Variants in TAFA2 observed in about 807,000 individuals in gnomAD.
TAFA2 encodes TAFA chemokine like family member 2, also known as chemokine-like protein TAFA-2.
Under a neutral mutation model 18.8 loss-of-function variants are expected in TAFA2, and 7 were observed. That is an observed-to-expected ratio of 0.37 (90% CI 0.21 to 0.70). TAFA2 has a LOEUF of 0.70. Ranked by LOEUF, TAFA2 falls within the 30% of genes least tolerant of loss-of-function variation. The probability of loss-of-function intolerance (pLI) is 0.53; values close to 1 mark genes in which losing one functional copy is unlikely to be tolerated. For missense variants in TAFA2, 122 were observed against 158.1 expected (o/e 0.77, Z 1.23); for synonymous variants, 60 against 54.2 (o/e 1.11, Z -0.47).
rs924101058 is a variant in TAFA2 at position 61,774,663 on chromosome 12, C to T, written c.107-19639G>A. On this transcript the variant is annotated intron_variant, in intron 2 of 4. Transcript: ENST00000416284. ...AATGATAAAATGGACTTCAGGGATT[C>T]GGGGGAAAGAGTGGGAGGATGGTGA... Among the ~76,000 whole-genome samples the T allele has an allele frequency of 2.7e-4, 41 of 151,338 alleles. 2 individuals are homozygous for T. Among genetic ancestry groups the T allele is most frequent in the Admixed American group, 6.6e-5 (1 of 15,132 alleles).
intron 4 of TAFA2, among the ~76,000 whole-genome samples, chr12:61,751,116 C>G (rs1245218307): frequency 6.6e-6 from 1 of 152,092 alleles, no homozygotes; most frequent in Non-Finnish European, 1.5e-5. Context: ...TTTCCTCTAT[C>G]CAACACTTCC....
In TAFA2 at chr12:61,931,727, G is replaced by C. The variant is rs551486205; in HGVS notation, c.-1-64301C>G. ...ATTGCCATTTTGTAATGTTACAAAGGCTTCTGTTTTAAAATGTGCTGTGGG... is the reference window on the plus strand; with the variant it reads ...ATTGCCATTTTGTAATGTTACAAAGCCTTCTGTTTTAAAATGTGCTGTGGG... On this transcript the variant is annotated intron_variant, in intron 1 of 4. Coordinates refer to ENST00000416284, the MANE Select transcript of TAFA2 (RefSeq NM_178539.5). Among the ~76,000 whole-genome samples the C allele has an allele frequency of 2.6e-5, 4 of 152,250 alleles. No homozygotes were observed. The East Asian group carries it at 5.8e-4, about 22-fold the overall frequency.
chr12:61,919,713 T>C (rs1876973881), intron 1 of TAFA2, among the ~76,000 whole-genome samples: 1 of 151,646 alleles, frequency 6.6e-6, no homozygotes, highest in South Asian at 2.1e-4. Context: ...TTTATTTCAT[T>C]ATCTGTTATT....
intron 1 of TAFA2, among the ~76,000 whole-genome samples, chr12:61,966,643 G>A (rs1879077975): frequency 6.6e-6 from 1 of 151,792 alleles, no homozygotes; most frequent in Non-Finnish European, 1.5e-5. Flanking sequence ...CAAGTCTGTG[G>A]CTGAGCAAAT....
At chr12:61,738,324 CA>C (rs1565756809) in intron 4 of TAFA2, among the ~76,000 whole-genome samples, 25 of 147,738 alleles carry the variant, frequency 1.7e-4, no homozygotes, top group African/African-American at 5.6e-4. Context: ...CACACACACA[CA>C]CACAAACCTA....
intron 1 of TAFA2, among the ~76,000 whole-genome samples, chr12:62,199,586 A>ATG (rs766849597): frequency 6.0e-5 from 9 of 149,302 alleles, no homozygotes; most frequent in Non-Finnish European, 7.5e-5. Context: ...GTGTGTGTGT[A>ATG]TGTGTGTGTA....
intron 1 of TAFA2, among the ~76,000 whole-genome samples, chr12:62,093,752 T>C: frequency 6.6e-6 from 1 of 152,042 alleles, no homozygotes; most frequent in African/African-American, 2.4e-5. Flanking sequence ...GAGGGCCATG[T>C]GTTCATACTT....
At chr12:61,782,833 T>C (rs193080410) in intron 2 of TAFA2, among the ~76,000 whole-genome samples, 5 of 151,906 alleles carry the variant, frequency 3.3e-5, no homozygotes, top group Non-Finnish European at 2.9e-5. Context: ...AATGCAGTAT[T>C]TATAAGCTAG....
chr12:61,956,145 A>T (rs1878688585), intron 1 of TAFA2, among the ~76,000 whole-genome samples: 1 of 136,790 alleles, frequency 7.3e-6, no homozygotes, highest in African/African-American at 2.5e-5. Flanking sequence ...CAAGTATCCT[A>T]TAGCAGAGTC....
chr12:61,945,126 C>T (rs1415105053), intron 1 of TAFA2, among the ~76,000 whole-genome samples: 1 of 118,116 alleles, frequency 8.5e-6, no homozygotes, highest in South Asian at 2.6e-4. Context: ...TGGGCTTCAT[C>T]CCTGGGATGC....
intron 1 of TAFA2, among the ~76,000 whole-genome samples, chr12:61,875,965 T>G (rs1177429830): frequency 6.6e-6 from 1 of 152,194 alleles, no homozygotes; most frequent in Non-Finnish European, 1.5e-5. Context: ...ATTCCAATTA[T>G]ATGTAGCCTT....
intron 1 of TAFA2, among the ~76,000 whole-genome samples, chr12:61,976,369 A>G (rs1004207703): frequency 1.8e-4 from 27 of 151,932 alleles, no homozygotes; most frequent in African/African-American, 6.5e-4. Flanking sequence ...TTGTTAAACA[A>G]CGTATTTTGA....
chr12:61,961,110 G>C (rs994248937), intron 1 of TAFA2, among the ~76,000 whole-genome samples: 4 of 151,892 alleles, frequency 2.6e-5, no homozygotes, highest in Non-Finnish European at 5.9e-5. Context: ...TGAAGGGAAA[G>C]TAGGCACATC....
intron 1 of TAFA2, among the ~76,000 whole-genome samples, chr12:62,045,088 T>C (rs183593406): frequency 2.0e-5 from 3 of 152,250 alleles, no homozygotes; most frequent in African/African-American, 4.8e-5. Flanking sequence ...CTAACTAGCT[T>C]ATCTGGCAGA....
At chr12:62,235,164 G>A (rs2136986350) in intron 1 of TAFA2, 1 of 664,354 alleles carries the variant, frequency 1.5e-6, no homozygotes, top group Admixed American at 1.8e-5. Flanking sequence ...CTGAGGGGGA[G>A]ACACTCCCTG....
chr12:61,816,359 C>G (rs1256265221), intron 2 of TAFA2, among the ~76,000 whole-genome samples: 1 of 151,392 alleles, frequency 6.6e-6, no homozygotes, highest in African/African-American at 2.5e-5. Context: ...TGATCTTTTT[C>G]TTTTTATGGC....
chr12:61,810,111 T>A (rs1393128112), intron 2 of TAFA2, among the ~76,000 whole-genome samples: 2 of 151,536 alleles, frequency 1.3e-5, no homozygotes, highest in South Asian at 2.1e-4. Context: ...AAGTTTCCTG[T>A]TACTATTCCT....
At chr12:61,925,917 T>C (rs1356863312) in intron 1 of TAFA2, among the ~76,000 whole-genome samples, 1 of 152,100 alleles carries the variant, frequency 6.6e-6, no homozygotes, top group Non-Finnish European at 1.5e-5. Context: ...CAGGAGCTGG[T>C]TTTTTGAAAA....
At chr12:61,978,859 C>T (rs1592527202) in intron 1 of TAFA2, among the ~76,000 whole-genome samples, 1 of 151,926 alleles carries the variant, frequency 6.6e-6, no homozygotes, top group Non-Finnish European at 1.5e-5. Flanking sequence ...CTATCATGGC[C>T]GATTCTTGCC....
Sources: allele counts gnomAD v4.1 joint callset (sites outside exome capture counted in the v4.1 genomes callset), GRCh38; gene constraint gnomAD v4.1.1; transcripts MANE v1.5; gene names NCBI Gene and HGNC (gene_info 2026-07-23, HGNC 2026-07-21).